The following NREP variants were observed in gnomAD, a reference collection of about 807,000 sequenced individuals.
The protein encoded by NREP is neuronal regeneration related protein.
In NREP, 5 loss-of-function variants were observed where a neutral mutation model predicts 8.6. That is an observed-to-expected ratio of 0.58 (90% confidence interval 0.30 to 1.22). The LOEUF (loss-of-function observed/expected upper bound fraction) is 1.22, where lower values mean the gene tolerates loss of function less well. Among genes scored for constraint, NREP ranks in the 50% most tolerant of loss-of-function variants. The pLI is 0.07. For missense variants in NREP, 86 were observed against 82.5 expected (o/e 1.04, Z -0.17); for synonymous variants, 27 against 28.0 (o/e 0.96, Z 0.11).
intron 2 of NREP, among the ~76,000 whole-genome samples, chr5:111,743,393 A>ATCTT (rs1682491094): frequency 1.3e-5 from 2 of 152,142 alleles, no homozygotes; most frequent in South Asian, 4.1e-4. Flanking sequence ...TGTTAATAAA[A>ATCTT]TCTTTTACCT....
At chr5:111,972,664 C>T (rs186035424) in intron 2 of NREP, among the ~76,000 whole-genome samples, 8 of 152,292 alleles carry the variant, frequency 5.3e-5, no homozygotes, top group African/African-American at 9.6e-5. Context: ...GCTGCCCCCA[C>T]GCCATACCCA....
At chr5:111,903,504 G>C (rs758080284) in intron 2 of NREP, among the ~76,000 whole-genome samples, 3 of 152,102 alleles carry the variant, frequency 2.0e-5, no homozygotes, top group Non-Finnish European at 4.4e-5. Context: ...AACTGTGCTT[G>C]CTAATATCTG....
At position 111,842,622 on chromosome 5, in the gene NREP, A is replaced by G. The variant is rs570716660; in HGVS notation, c.136-107115T>C. ...ATGCTATAAAGGTAATGTGTATACTATCATTACAATATTAGAGTGTTTTAA... is the reference window on the plus strand; with the variant it reads ...ATGCTATAAAGGTAATGTGTATACTGTCATTACAATATTAGAGTGTTTTAA... On this transcript the variant is annotated intron_variant, in intron 2 of 3. Transcript: ENST00000395634. 5.8e-4 allele frequency among the ~76,000 whole-genome samples: 89 copies of G among 152,320 alleles called. 1 individual carries two copies. Among genetic ancestry groups the G allele is most frequent in the Admixed American group, 5.6e-3 (85 of 15,290 alleles).
rs112963698 is a variant in NREP at position 111,785,439 on chromosome 5, G to A, written c.136-49932C>T. On this transcript the variant is annotated intron_variant, in intron 2 of 3. Coordinates refer to the NREP transcript ENST00000395634. The stretch of plus-strand genomic sequence containing the variant: ...GAGTACAGGCGCATGCCACCATGCC[G>A]GACTAATTTTTTGTATTTTTAGTAG... Among the ~76,000 whole-genome samples the A allele has an allele frequency of 1.3e-4, 20 of 151,942 alleles. 1 individual carries two copies. The highest frequency in any genetic ancestry group is 2.4e-4 in the African/African-American group (10 of 41,470).
intron 2 of NREP, among the ~76,000 whole-genome samples, chr5:111,806,511 A>G (rs1315357577): frequency 2.0e-5 from 3 of 152,232 alleles, no homozygotes; most frequent in African/African-American, 7.2e-5. Context: ...AATATGGAAG[A>G]GAAAAATGAT....
At chr5:111,735,296 G>T (rs1748998436) in intron 3 of NREP, 134 bp downstream of exon 3, 2 of 550,628 alleles carry the variant, frequency 3.6e-6, no homozygotes, top group Admixed American at 3.0e-5. Context: ...TATTTCCAAG[G>T]TCATCATAGT....
intron 2 of NREP, among the ~76,000 whole-genome samples, chr5:111,937,972 A>T (rs1350355718): frequency 6.6e-6 from 1 of 151,982 alleles, no homozygotes; most frequent in African/African-American, 2.4e-5. Context: ...TGACGTTTGC[A>T]CCCATTTCTG....
intron 2 of NREP, among the ~76,000 whole-genome samples, chr5:111,747,826 C>T (rs1159104534): frequency 2.0e-5 from 3 of 152,122 alleles, no homozygotes; most frequent in Non-Finnish European, 4.4e-5. Context: ...AGTCTAAAAT[C>T]AGGGATTTAA....
At chr5:111,825,477 C>G (rs1318616643) in intron 2 of NREP, among the ~76,000 whole-genome samples, 1 of 152,146 alleles carries the variant, frequency 6.6e-6, no homozygotes, top group African/African-American at 2.4e-5. Context: ...CTAGAATACA[C>G]TAACAAGCAG....
intron 2 of NREP, among the ~76,000 whole-genome samples, chr5:111,792,673 G>GA (rs564418374): frequency 5.7e-4 from 87 of 152,098 alleles, no homozygotes; most frequent in African/African-American, 2.0e-3. Flanking sequence ...AGAATGTGTA[G>GA]AAAAAAATGA....
At chr5:111,774,331 T>C (rs936305315) in intron 2 of NREP, among the ~76,000 whole-genome samples, 10 of 152,060 alleles carry the variant, frequency 6.6e-5, no homozygotes, top group South Asian at 2.1e-4. Context: ...AGGCAGAATA[T>C]TGGCTGCCAA....
intron 2 of NREP, among the ~76,000 whole-genome samples, chr5:111,918,077 G>C (rs942288068): frequency 1.3e-5 from 2 of 152,066 alleles, no homozygotes; most frequent in African/African-American, 4.8e-5. Flanking sequence ...GACCAATAGA[G>C]AGCCAAATCA....
chr5:111,783,275 T>C (rs1418700823), intron 2 of NREP, among the ~76,000 whole-genome samples: 1 of 152,232 alleles, frequency 6.6e-6, no homozygotes, highest in Non-Finnish European at 1.5e-5. Context: ...TTGTGTTGTG[T>C]ATAAATTCCT....
At chr5:111,831,740 G>C (rs965387181) in intron 2 of NREP, among the ~76,000 whole-genome samples, 1 of 152,186 alleles carries the variant, frequency 6.6e-6, no homozygotes, top group Non-Finnish European at 1.5e-5. Context: ...AAAAATTTGA[G>C]GTTCTATCCT....
chr5:111,790,347 C>CTTTTTTTTTTTTTTTTTTTTTTTTTTT (rs57775701), intron 2 of NREP, among the ~76,000 whole-genome samples: 2 of 59,642 alleles, frequency 3.4e-5, no homozygotes, highest in African/African-American at 1.4e-4. Flanking sequence ...AAAACCTTAA[C>CTTTTTTTTTTTTTTTTTTTTTTTTTTT]TTTTTTTTTT....
At chr5:111,905,038 G>T (rs1385673432) in intron 2 of NREP, among the ~76,000 whole-genome samples, 2 of 152,006 alleles carry the variant, frequency 1.3e-5, no homozygotes, top group African/African-American at 4.8e-5. Flanking sequence ...GGTTATGTAA[G>T]TATCTGAACC....
intron 2 of NREP, among the ~76,000 whole-genome samples, chr5:111,847,753 T>C (rs1312018164): frequency 6.6e-6 from 1 of 152,200 alleles, no homozygotes; most frequent in African/African-American, 2.4e-5. Flanking sequence ...AGCTGTTTAC[T>C]AGCAAATTAC....
At chr5:111,767,709 A>T (rs1016738852) in intron 2 of NREP, among the ~76,000 whole-genome samples, 5 of 152,166 alleles carry the variant, frequency 3.3e-5, no homozygotes, top group Non-Finnish European at 5.9e-5. Context: ...TCTGTAACCC[A>T]GGCAAGAGTG....
At chr5:111,918,837 C>A (rs1402448925) in intron 2 of NREP, among the ~76,000 whole-genome samples, 1 of 152,068 alleles carries the variant, frequency 6.6e-6, no homozygotes, top group Non-Finnish European at 1.5e-5. Flanking sequence ...AAAGCAATGG[C>A]AACAAAAGCC....
Sources: gnomAD v4.1 joint callset for allele counts (sites outside exome capture counted in the v4.1 genomes callset) on GRCh38, gnomAD v4.1.1 for gene constraint, MANE v1.5 for transcripts, NCBI Gene and HGNC (gene_info 2026-07-23, HGNC 2026-07-21) for gene names.